Variants in XYLT1 observed in about 807,000 individuals in gnomAD.
XYLT1 encodes the protein xylosyltransferase 1, also known as beta-D-xylosyltransferase 1.
XYLT1 carries 36 observed loss-of-function variants against 91.3 expected under a neutral mutation model. That is an observed-to-expected ratio of 0.39 (90% CI 0.30 to 0.52). The LOEUF is 0.52. Ranked by LOEUF, XYLT1 falls within the 20% of genes least tolerant of loss-of-function variation. The probability of loss-of-function intolerance (pLI) is 0.68; values close to 1 mark genes in which losing one functional copy is unlikely to be tolerated. For synonymous variants in XYLT1, 588 were observed against 532.0 expected, an observed-to-expected ratio of 1.11 and a Z score of -1.45; for missense variants, 1,242 against 1,284.5, an observed-to-expected ratio of 0.97 and a Z score of 0.51.
rs188990168 is a variant in XYLT1, at chr16:17,442,847, C to T, written c.363+27587G>A. Among the ~76,000 whole-genome samples the T allele has an allele frequency of 7.7e-3, 1,168 of 152,172 alleles. 8 individuals carry two copies. Among genetic ancestry groups the T allele is most frequent in the Middle Eastern group, 0.031 (9 of 294 alleles). On this transcript the variant is annotated intron_variant, in intron 1 of 11. Transcript: ENST00000261381. ...TTAGCAACTTCATGGCTTAACCTTC[C>T]TCCAAAACTAAACTGAGAGTGGCAA... is the stretch of plus-strand genomic sequence containing the variant.
chr16:17,363,879 G>A (rs748102534), intron 1 of XYLT1, among the ~76,000 whole-genome samples: 13 of 151,854 alleles, frequency 8.6e-5, no homozygotes, highest in African/African-American at 1.5e-4. Context: ...GGCTTTTGCC[G>A]TGTTGGCCAG....
At chr16:17,439,481 C>T (rs2036505718) in intron 1 of XYLT1, among the ~76,000 whole-genome samples, 1 of 152,146 alleles carries the variant, frequency 6.6e-6, no homozygotes, top group Admixed American at 6.5e-5. Context: ...GCCATATCTG[C>T]ATGTATTGTG....
chr16:17,450,842 A>C (rs2036656938), intron 1 of XYLT1, among the ~76,000 whole-genome samples: 1 of 152,208 alleles, frequency 6.6e-6, no homozygotes. Context: ...TACCAAGCTG[A>C]GGGGAGTGTA....
rs114109796 is a variant in XYLT1, at chr16:17,328,941, C to T, written c.402+29071G>A. ...TGGCTGAAGTTTTGCTGGAGGTATG[C>T]GTGTGTGCATGTTCACATTTTGTAG... On this transcript the variant is annotated intron_variant, in intron 2 of 11. Coordinates refer to ENST00000261381, the MANE Select transcript of XYLT1 (RefSeq NM_022166.4). 6.0e-3 allele frequency among the ~76,000 whole-genome samples: 918 copies of T among 152,306 alleles called. 9 individuals carry two copies. Among genetic ancestry groups the T allele is most frequent in the African/African-American group, 0.021 (866 of 41,570 alleles).
At chr16:17,360,534 AGAT>A (rs1349506940) in intron 1 of XYLT1, among the ~76,000 whole-genome samples, 1 of 152,236 alleles carries the variant, frequency 6.6e-6, no homozygotes, top group African/African-American at 2.4e-5. Flanking sequence ...ACTGGGAAGA[AGAT>A]AAAGTCCTCA....
intron 1 of XYLT1, among the ~76,000 whole-genome samples, chr16:17,370,119 T>C (rs1017519743): frequency 6.6e-6 from 1 of 152,136 alleles, no homozygotes; most frequent in African/African-American, 2.4e-5. Flanking sequence ...TTTTATACAA[T>C]GAGCTCCTTT....
intron 1 of XYLT1, among the ~76,000 whole-genome samples, chr16:17,423,410 T>C (rs578225192): frequency 6.6e-6 from 1 of 152,172 alleles, no homozygotes; most frequent in South Asian, 2.1e-4. Flanking sequence ...TCAGAACCCA[T>C]TAAGGCGATT....
At chr16:17,409,551 T>G (rs1346105170) in intron 1 of XYLT1, among the ~76,000 whole-genome samples, 1 of 141,686 alleles carries the variant, frequency 7.1e-6, no homozygotes, top group East Asian at 2.0e-4. Flanking sequence ...AGACACTTTT[T>G]TTTTTTTTTT....
rs575639109 is a variant in XYLT1, at chr16:17,239,593, GTCCA to G, written c.913+19391_913+19394del. ...ATCCATCCATCCACTCACCTAGTCC[GTCCA>G]TCCATCCATCCATCCATCCATGCAT... On this transcript the variant is annotated intron_variant, in intron 3 of 11. Coordinates refer to ENST00000261381, the MANE Select transcript of XYLT1 (RefSeq NM_022166.4). Among the ~76,000 whole-genome samples the G allele has an allele frequency of 4.1e-3, 578 of 141,892 alleles. 2 individuals are homozygous for G. Among genetic ancestry groups the G allele is most frequent in the African/African-American group, 0.014 (528 of 37,356 alleles). The allele number at this position is 141,892 out of a possible 152,430, so 93.1% of individuals were successfully genotyped here.
chr16:17,395,155 A>G (rs920559310), intron 1 of XYLT1, among the ~76,000 whole-genome samples: 2 of 152,180 alleles, frequency 1.3e-5, no homozygotes, highest in African/African-American at 4.8e-5. Flanking sequence ...TGAAGGGGGA[A>G]CTGCCAAACA....
chr16:17,362,818 T>C (rs73525127), intron 1 of XYLT1, among the ~76,000 whole-genome samples: 1,833 of 152,298 alleles, frequency 0.012, 40 homozygotes, highest in African/African-American at 0.042. Flanking sequence ...GGCAATGACA[T>C]TGGTGTAGAG....
At chr16:17,346,193 CA>C (rs2035141852) in intron 2 of XYLT1, among the ~76,000 whole-genome samples, 1 of 152,154 alleles carries the variant, frequency 6.6e-6, no homozygotes, top group Non-Finnish European at 1.5e-5. Flanking sequence ...AGTGGTGAGC[CA>C]GGGGGTCTGC....
At chr16:17,327,361 C>CTTTTTTTTTTTTTTTTT (rs138879762) in intron 2 of XYLT1, among the ~76,000 whole-genome samples, 4 of 108,088 alleles carry the variant, frequency 3.7e-5, no homozygotes, top group Non-Finnish European at 7.6e-5. Flanking sequence ...TTTCTTTTTT[C>CTTTTTTTTTTTTTTTTT]TTTTTTTTTT....
intron 3 of XYLT1, among the ~76,000 whole-genome samples, chr16:17,256,451 G>T (rs969048999): frequency 3.9e-5 from 6 of 152,026 alleles, no homozygotes; most frequent in Non-Finnish European, 7.4e-5. Context: ...AGGAGTTCAA[G>T]ACCAGCCTGG....
intron 5 of XYLT1, among the ~76,000 whole-genome samples, chr16:17,176,376 G>A (rs908704366): frequency 6.6e-6 from 1 of 152,244 alleles, no homozygotes; most frequent in African/African-American, 2.4e-5. Flanking sequence ...TACAGTAAAG[G>A]CTGAGGCAGG....
At chr16:17,202,343 C>A (rs1325004268) in intron 3 of XYLT1, among the ~76,000 whole-genome samples, 2 of 152,170 alleles carry the variant, frequency 1.3e-5, no homozygotes, top group Non-Finnish European at 2.9e-5. Context: ...ATGAACGAGG[C>A]TCTTTCTACG....
At chr16:17,464,578 T>C (rs7186229) in intron 1 of XYLT1, among the ~76,000 whole-genome samples, 101,023 of 151,452 alleles carry the variant, frequency 0.67, 34,816 homozygotes, top group East Asian at 0.96. Flanking sequence ...GTAATGAATA[T>C]CCCAATTACT....
chr16:17,183,097 G>C (rs2032106557), intron 5 of XYLT1, among the ~76,000 whole-genome samples: 1 of 152,152 alleles, frequency 6.6e-6, no homozygotes, highest in Non-Finnish European at 1.5e-5. Flanking sequence ...TGAACTTCAG[G>C]GTCAGCTAAG....
chr16:17,137,849 T>C (rs977625754), intron 8 of XYLT1, among the ~76,000 whole-genome samples: 1 of 152,210 alleles, frequency 6.6e-6, no homozygotes, highest in African/African-American at 2.4e-5. Context: ...TGAGGGTTTC[T>C]CAACCAGAGG....
Sources: allele counts gnomAD v4.1 joint callset (sites outside exome capture counted in the v4.1 genomes callset), GRCh38; gene constraint gnomAD v4.1.1; transcripts MANE v1.5; gene names NCBI Gene and HGNC (gene_info 2026-07-23, HGNC 2026-07-21).